Variants in PKN2 observed in about 807,000 individuals in gnomAD.
The protein encoded by PKN2 is protein kinase N2, also known as serine/threonine-protein kinase N2.
Under a neutral mutation model 119.1 loss-of-function variants are expected in PKN2, and 38 were observed. That is an observed-to-expected ratio of 0.32 (90% CI 0.25 to 0.42). The LOEUF is 0.42. Ranked by LOEUF, PKN2 falls within the 10% of genes least tolerant of loss-of-function variation. PKN2 has a pLI of 1.00. For missense variants in PKN2, 850 were observed against 1,165.1 expected (o/e 0.73, Z 3.94); for synonymous variants, 390 against 384.9 (o/e 1.01, Z -0.15).
chr1:88,833,347 T>G lies in PKN2; in HGVS notation c.2854T>G (p.Ser952Ala). The G allele has an allele frequency of 6.2e-7, 1 of 1,613,420 alleles. No homozygotes were observed. Among genetic ancestry groups the G allele is most frequent in the South Asian group, 1.1e-5 (1 of 91,062 alleles). The part of the protein sequence containing the change: ...DVSNFDDEFT[S>A]EAPILTPPRE... ...TAGTAATTTTGATGATGAATTTACCTCAGAAGCACCTATTCTGACTCCACC... is the reference window on the plus strand; with the variant it reads ...TAGTAATTTTGATGATGAATTTACCGCAGAAGCACCTATTCTGACTCCACC... Residue 952 changes from serine (S) to alanine (A), a missense_variant, in exon 22 of 22, where the codon TCA (serine) becomes GCA (alanine). This residue lies in a region of PKN2 where 52 missense variants were observed against 39.9 expected (regional missense o/e 1.30). Coordinates refer to ENST00000370521, the MANE Select transcript of PKN2 (RefSeq NM_006256.4).
chr1:88,781,946 A>C (rs1670363458), intron 6 of PKN2, among the ~76,000 whole-genome samples: 1 of 152,112 alleles, frequency 6.6e-6, no homozygotes, highest in South Asian at 2.1e-4. Context: ...AACATTATTG[A>C]CACTCCACCT....
chr1:88,823,266 T>G (rs1359735777), intron 17 of PKN2, among the ~76,000 whole-genome samples: 4 of 152,144 alleles, frequency 2.6e-5, no homozygotes, highest in Non-Finnish European at 1.5e-5. Flanking sequence ...ATATTGTCAG[T>G]TTGCCTAATT....
intron 8 of PKN2, among the ~76,000 whole-genome samples, chr1:88,802,334 T>A (rs57481491): frequency 0.11 from 16,968 of 151,996 alleles, 1,961 homozygotes; most frequent in African/African-American, 0.3. Context: ...TTTAATTTTT[T>A]TTTTTTTTTG....
At chr1:88,728,642 T>C (rs1365104182) in intron 1 of PKN2, among the ~76,000 whole-genome samples, 2 of 152,176 alleles carry the variant, frequency 1.3e-5, no homozygotes, top group Non-Finnish European at 2.9e-5. Context: ...GGGTTAACAG[T>C]TCTGATCCTG....
At chr1:88,786,819 G>A (rs1252947300) in intron 8 of PKN2, among the ~76,000 whole-genome samples, 1 of 151,816 alleles carries the variant, frequency 6.6e-6, no homozygotes, top group African/African-American at 2.4e-5. Context: ...TTATTATTTG[G>A]TATTTAGGTT....
Position 88,702,211 on chromosome 1 carries a change from G to A in PKN2, c.48+17583G>A, listed in dbSNP as rs150208522. Among the ~76,000 whole-genome samples, 119 of 152,138 alleles carry A rather than the reference G, an allele frequency of 7.8e-4. 1 individual carries two copies. In the East Asian group the frequency reaches 0.013, roughly 16 times the overall value. ...TGAGCCCAGGTTATCTGCTGTCCTT[G>A]GCCTCCCAAAGTGCTGGGATTACAG... is the stretch of plus-strand genomic sequence containing the variant. On this transcript the variant is annotated intron_variant, in intron 1 of 21. Transcript: ENST00000370521.
At chr1:88,826,157 G>A (rs1282784893) in intron 18 of PKN2, among the ~76,000 whole-genome samples, 1 of 152,058 alleles carries the variant, frequency 6.6e-6, no homozygotes, top group East Asian at 1.9e-4. Context: ...CCAGTCTCCT[G>A]TAAGCCCCTT....
chr1:88,696,543 C>T (rs1666548935), intron 1 of PKN2, among the ~76,000 whole-genome samples: 1 of 152,196 alleles, frequency 6.6e-6, no homozygotes, highest in Admixed American at 6.5e-5. Context: ...GTTCATTGCA[C>T]ATAGACCACA....
At chr1:88,705,034 G>A (rs895564888) in intron 1 of PKN2, among the ~76,000 whole-genome samples, 9 of 151,614 alleles carry the variant, frequency 5.9e-5, no homozygotes, top group African/African-American at 2.2e-4. Flanking sequence ...TTTTCTTATT[G>A]AATGTTGAGA....
At position 88,771,481 on chromosome 1, in the gene PKN2, T is replaced by C; in HGVS notation, c.683T>C (p.Ile228Thr). 1.9e-6 allele frequency: 3 copies of C among 1,609,976 alleles called. No individual in the cohort carries two copies. Among genetic ancestry groups the C allele is most frequent in the Admixed American group, 1.7e-5 (1 of 59,818 alleles). The change falls in exon 5 of 22, where the codon ATA becomes ACA. Residue 228 changes from isoleucine (I) to threonine (T), a missense_variant. Transcript: ENST00000370521. ...GAAGAATTAAGGCATCATTTTAGGA[T>C]AGAGTTTGCAGTAGCAGAAGGTGCA... ...RMEELRHHFR[I>T]EFAVAEGAKN...
At chr1:88,813,418 G>T in intron 15 of PKN2, 139 bp from the exon 16 acceptor site, 3 of 581,584 alleles carry the variant, frequency 5.2e-6, no homozygotes, top group South Asian at 4.9e-5. Flanking sequence ...AGCACATATA[G>T]CAAAACTAAG....
intron 8 of PKN2, among the ~76,000 whole-genome samples, chr1:88,797,651 A>AG (rs1470820247): frequency 2.0e-5 from 3 of 147,726 alleles, no homozygotes; most frequent in Admixed American, 6.7e-5. Flanking sequence ...AAAAAAAAAA[A>AG]AGAGAGAGAA....
Position 88,693,461 on chromosome 1 carries a change from C to T in PKN2, c.48+8833C>T, listed in dbSNP as rs546968953. Among the ~76,000 whole-genome samples the T allele has an allele frequency of 9.2e-5, 14 of 152,296 alleles. No individual in the cohort carries two copies. In the South Asian group the frequency reaches 1.2e-3, roughly 14 times the overall value. On this transcript the variant is annotated intron_variant, in intron 1 of 21. Coordinates refer to ENST00000370521, the MANE Select transcript of PKN2 (RefSeq NM_006256.4). ...GTAAGTCCTCACTTAATGTCATTGA[C>T]GGGTTCTTGGAAACTGACTTTAAGC...
chr1:88,826,580 C>G (rs887616102), intron 18 of PKN2, among the ~76,000 whole-genome samples: 1 of 152,110 alleles, frequency 6.6e-6, no homozygotes, highest in Non-Finnish European at 1.5e-5. Context: ...ATCCACCCCC[C>G]TTCCACCTCC....
chr1:88,758,062 A>AAAAAAAAAG (rs539880214), intron 2 of PKN2, among the ~76,000 whole-genome samples: 10 of 144,162 alleles, frequency 6.9e-5, no homozygotes, highest in Non-Finnish European at 8.9e-5. Context: ...AAAAAAAAAA[A>AAAAAAAAAG]AGAAGTGTTT....
At chr1:88,750,096 A>ATTGTC (rs1668928245) in intron 2 of PKN2, among the ~76,000 whole-genome samples, 1 of 152,220 alleles carries the variant, frequency 6.6e-6, no homozygotes, top group Non-Finnish European at 1.5e-5. Flanking sequence ...GACAGACAAT[A>ATTGTC]TGTACCCTAT....
intron 14 of PKN2, 24 bp from the exon 15 acceptor site, chr1:88,807,660 A>G: frequency 1.3e-6 from 2 of 1,566,522 alleles, no homozygotes; most frequent in Admixed American, 1.8e-5. Flanking sequence ...CAAGTGGAAA[A>G]TAATTATTTT....
chr1:88,814,012 C>G (rs68120119), intron 16 of PKN2, among the ~76,000 whole-genome samples: 10,201 of 151,936 alleles, frequency 0.067, 698 homozygotes, highest in African/African-American at 0.18. Context: ...ATTAGATTTT[C>G]TCACTAGAGA....
intron 6 of PKN2, among the ~76,000 whole-genome samples, chr1:88,783,125 G>GTAT (rs1429609696): frequency 6.6e-6 from 1 of 152,192 alleles, no homozygotes; most frequent in Non-Finnish European, 1.5e-5. Flanking sequence ...TATGCACTGA[G>GTAT]TATTGTTCTT....
Sources: allele counts gnomAD v4.1 joint callset (sites outside exome capture counted in the v4.1 genomes callset), GRCh38; gene constraint gnomAD v4.1.1; regional missense constraint gnomAD v4.1.1; transcripts MANE v1.5; gene names NCBI Gene and HGNC (gene_info 2026-07-23, HGNC 2026-07-21).